The following ERMP1 variants were observed in gnomAD, a reference collection of about 807,000 sequenced individuals.
ERMP1 encodes the protein Felix-ina.
Under a neutral mutation model 92.0 loss-of-function variants are expected in ERMP1, and 86 were observed. The ratio of observed to expected loss-of-function variants is 0.93; its 90% CI spans 0.79 to 1.12. The LOEUF (loss-of-function observed/expected upper bound fraction) is 1.12, where lower values mean the gene tolerates loss of function less well. Ranked by LOEUF, ERMP1 falls within the 50% of genes most tolerant of loss-of-function variation. The probability of loss-of-function intolerance (pLI) is 0.00; values close to 1 mark genes in which losing one functional copy is unlikely to be tolerated. For missense variants in ERMP1, 1,342 were observed against 1,116.3 expected, an observed-to-expected ratio of 1.20 and a Z score of -2.88; for synonymous variants, 530 against 412.8, an observed-to-expected ratio of 1.28 and a Z score of -3.44.
At chr9:5,865,819 C>T (rs1003072744) in intron 5 of ERMP1, among the ~76,000 whole-genome samples, 1 of 115,900 alleles carries the variant, frequency 8.6e-6, no homozygotes, top group Non-Finnish European at 1.7e-5. Flanking sequence ...GCCCGGGCAA[C>T]AGAGTGAGGC....
chr9:5,830,887 A>C lies in ERMP1; in HGVS notation c.480T>G (p.Asp160Glu), dbSNP rs1163248177. 1.2e-6 allele frequency: 2 copies of C among 1,614,208 alleles called. No individual in the cohort carries two copies. Among genetic ancestry groups the C allele is most frequent in the Non-Finnish European group, 1.7e-6 (2 of 1,180,028 alleles). ...QSNSLHKISV[D>E]VQRPTGSFSI... Reference sequence around the variant, plus strand: ...TAAAAGAGCCTGTGGGCCGTTGTACATCTACTGAAATCTTATGAAGGCTGT... The same window carrying C: ...TAAAAGAGCCTGTGGGCCGTTGTACCTCTACTGAAATCTTATGAAGGCTGT... The change falls in exon 2 of 15, where the codon GAT becomes GAG. Residue 160 changes from aspartate (D) to glutamate (E), a missense_variant. Transcript: ENST00000339450.
rs771947864 is a variant in ERMP1 at position 5,787,416 on chromosome 9, T to A, written c.2550+14A>T. 6.2e-7 allele frequency: 1 copy of A among 1,610,930 alleles called. No homozygotes were observed. The highest frequency in any genetic ancestry group is 1.7e-5 in the Admixed American group (1 of 59,272). On this transcript the variant is annotated intron_variant, in intron 14 of 14. Coordinates refer to ENST00000339450, the MANE Select transcript of ERMP1 (RefSeq NM_024896.3). ...ACCTAATCAATGAAACAAACAATGC[T>A]GGGAAATTGGCACCTGCACTTCTAT...
intron 3 of ERMP1, among the ~76,000 whole-genome samples, 193 bp from the exon 4 acceptor site, chr9:5,824,194 G>A (rs1009670436): frequency 5.3e-5 from 8 of 152,090 alleles, no homozygotes; most frequent in African/African-American, 1.4e-4. Flanking sequence ...CATCAGGTTC[G>A]GAAAGTCACC....
Position 5,785,346 on chromosome 9 carries a change from A to T in ERMP1, c.*1798T>A, listed in dbSNP as rs530698676. On this transcript the variant is annotated 3_prime_UTR_variant, in exon 15 of 15. Transcript: ENST00000339450. ...GCCCATTTTTAAAATTCATTGAGAA[A>T]TTATTACTTTTTCTCCACAACTGTG... The T allele has an allele frequency of 1.3e-5, 2 of 152,188 alleles. No individual in the cohort carries two copies. Among genetic ancestry groups the T allele is most frequent in the Admixed American group, 6.5e-5 (1 of 15,280 alleles). 9.4% of individuals were successfully genotyped at this position (152,188 alleles called of 1,614,324 possible).
intron 1 of ERMP1, 44 bp from the exon 2 acceptor site, chr9:5,831,072 G>A: frequency 6.6e-7 from 1 of 1,523,796 alleles, no homozygotes; most frequent in Non-Finnish European, 9.0e-7. Flanking sequence ...AGTTAAAATT[G>A]ACACTTAGCG....
upstream of ERMP1, among the ~76,000 whole-genome samples, chr9:5,836,655 C>T (rs1432824105): frequency 2.0e-5 from 3 of 152,040 alleles, no homozygotes; most frequent in African/African-American, 7.2e-5. Context: ...TTGTTTAGAT[C>T]CCTTAAGGCT....
intron 8 of ERMP1, among the ~76,000 whole-genome samples, chr9:5,807,404 C>T (rs991191169): frequency 1.3e-5 from 2 of 152,106 alleles, no homozygotes; most frequent in African/African-American, 4.8e-5. Flanking sequence ...CACCTTAAAC[C>T]GCTCATCAAT....
chr9:5,816,964 T>C (rs566965795), intron 4 of ERMP1, among the ~76,000 whole-genome samples: 1 of 149,954 alleles, frequency 6.7e-6, no homozygotes, highest in African/African-American at 2.4e-5. Flanking sequence ...AGCACCTCAA[T>C]CTTGGCTCAC....
intron 13 of ERMP1, among the ~76,000 whole-genome samples, chr9:5,788,322 A>G (rs1563743631): frequency 2.6e-5 from 4 of 152,188 alleles, no homozygotes; most frequent in Non-Finnish European, 2.9e-5. Flanking sequence ...AAATACTACT[A>G]TAGTGTCCAG....
At chr9:5,864,225 C>A (rs1215838469) in intron 5 of ERMP1, among the ~76,000 whole-genome samples, 1 of 152,148 alleles carries the variant, frequency 6.6e-6, no homozygotes, top group Non-Finnish European at 1.5e-5. Flanking sequence ...TGCTTGAGGC[C>A]ATTTTCAAAA....
chr9:5,843,757 G>A (rs903394773), intron 6 of ERMP1, among the ~76,000 whole-genome samples: 12 of 152,214 alleles, frequency 7.9e-5, no homozygotes, highest in African/African-American at 2.9e-4. Flanking sequence ...CAAATGTTCT[G>A]AAATGGAGTC....
intron 13 of ERMP1, among the ~76,000 whole-genome samples, chr9:5,794,649 T>C (rs1188194656): frequency 6.6e-6 from 1 of 152,132 alleles, no homozygotes; most frequent in East Asian, 1.9e-4. Context: ...ATAACCTAGA[T>C]AAAATGAACC....
rs1470584641 is a variant in ERMP1 at position 5,805,671 on chromosome 9, C to A, written c.1663G>T (p.Val555Phe). The A allele has an allele frequency of 1.2e-6, 2 of 1,612,972 alleles. No homozygotes were observed. Among genetic ancestry groups the A allele is most frequent in the Admixed American group, 3.3e-5 (2 of 59,842 alleles). Residue 555 changes from valine (V) to phenylalanine (F), a missense_variant, in exon 9 of 15, where the codon GTC (valine) becomes TTC (phenylalanine). Val to Phe is a conservative substitution (Grantham distance 50, BLOSUM62 -1). Transcript: ENST00000339450. ...GTGAGCAATGGGAATGCTACCCAGA[C>A]AGCACTAATAAACGCCGAGCAAAGT... Reference protein sequence around the residue: ...QGLCSAFISAVWVAFPLLTKL... With the variant: ...QGLCSAFISAFWVAFPLLTKL...
chr9:5,816,489 A>G (rs1829310385), intron 4 of ERMP1, among the ~76,000 whole-genome samples: 1 of 152,184 alleles, frequency 6.6e-6, no homozygotes, highest in South Asian at 2.1e-4. Flanking sequence ...TCTTTTGTAT[A>G]TATAAATATT....
intron 13 of ERMP1, among the ~76,000 whole-genome samples, chr9:5,792,654 A>C (rs1008168493): frequency 6.6e-6 from 1 of 152,214 alleles, no homozygotes; most frequent in African/African-American, 2.4e-5. Context: ...CAGGAAAAAA[A>C]GATGGTCATG....
chr9:5,825,799 G>T (rs1440658779), intron 2 of ERMP1, among the ~76,000 whole-genome samples: 1 of 152,174 alleles, frequency 6.6e-6, no homozygotes, highest in Admixed American at 6.5e-5. Flanking sequence ...GGAGACTAAT[G>T]ACCTAAGTAG....
At chr9:5,815,205 G>C (rs1460790906) in intron 4 of ERMP1, among the ~76,000 whole-genome samples, 1 of 152,006 alleles carries the variant, frequency 6.6e-6, no homozygotes, top group African/African-American at 2.4e-5. Flanking sequence ...TAAATATAAA[G>C]AAAAACTGTA....
chr9:5,804,996 A>G, intron 10 of ERMP1, 31 bp downstream of exon 10: 1 of 1,524,516 alleles, frequency 6.6e-7, no homozygotes, highest in South Asian at 1.2e-5. Flanking sequence ...ATAAAAAATG[A>G]AGAAAAAGAA....
At chr9:5,789,847 CT>C (rs35893609) in intron 13 of ERMP1, among the ~76,000 whole-genome samples, 151 of 136,578 alleles carry the variant, frequency 1.1e-3, no homozygotes, top group Middle Eastern at 3.8e-3. Context: ...CAAACCTGGC[CT>C]TTTTTTTTTT....
Sources: allele counts gnomAD v4.1 joint callset (sites outside exome capture counted in the v4.1 genomes callset), GRCh38; gene constraint gnomAD v4.1.1; transcripts MANE v1.5; gene names NCBI Gene and HGNC (gene_info 2026-07-23, HGNC 2026-07-21).